MEGF10: variants seen among roughly 807,000 people sequenced by gnomAD.
MEGF10 encodes multiple EGF like domains 10.
In MEGF10, 86 loss-of-function variants were observed where a neutral mutation model predicts 147.5. That is an observed-to-expected ratio of 0.58 (90% CI 0.49 to 0.70). MEGF10 has a LOEUF of 0.70. Ranked by LOEUF, MEGF10 falls within the 30% of genes least tolerant of loss-of-function variation. The pLI, the probability that MEGF10 is intolerant of heterozygous loss-of-function variation, is 0.00. For synonymous variants in MEGF10, 478 were observed against 525.5 expected (o/e 0.91, Z 1.24); for missense variants, 1,329 against 1,487.3 (o/e 0.89, Z 1.75).
At chr5:127,280,976 C>G in the MEGF10 span, among the ~76,000 whole-genome samples, 1 of 152,170 alleles carries the variant, frequency 6.6e-6, no homozygotes, top group Non-Finnish European at 1.5e-5. Context: ...TGAATTGGAA[C>G]CTGGGACAAT....
At chr5:127,342,491 C>T (rs1428900512) in intron 4 of MEGF10, among the ~76,000 whole-genome samples, 1 of 152,122 alleles carries the variant, frequency 6.6e-6, no homozygotes, top group African/African-American at 2.4e-5. Context: ...ACCTTCTCTC[C>T]CTGAAGGCCT....
At chr5:127,446,647 G>T (rs1260852702) in intron 20 of MEGF10, among the ~76,000 whole-genome samples, 1 of 152,184 alleles carries the variant, frequency 6.6e-6, no homozygotes, top group East Asian at 1.9e-4. Flanking sequence ...AAATGAAAGT[G>T]CAGTTCAGAG....
chr5:127,411,861 G>C (rs1278879963), intron 9 of MEGF10, among the ~76,000 whole-genome samples: 2 of 152,180 alleles, frequency 1.3e-5, no homozygotes, highest in African/African-American at 4.8e-5. Context: ...GCAGCAAAAA[G>C]TAAGCCTCAT....
At chr5:127,289,433 T>G (rs1580664981), upstream of MEGF10, among the ~76,000 whole-genome samples, 2 of 152,260 alleles carry the variant, frequency 1.3e-5, no homozygotes, top group African/African-American at 4.8e-5. Flanking sequence ...CCTGAGGGGC[T>G]TAGCTGAGGT....
rs1171428370 is a variant in MEGF10 at position 127,391,116 on chromosome 5, A to G, written c.413-5416A>G. On this transcript the variant is annotated intron_variant, in intron 5 of 24. Transcript: ENST00000503335. ...CGCGCGCGCGCGCACACACACACAC[A>G]CACACACACACACACACACACACAC... Among the ~76,000 whole-genome samples, 331 of 64,824 alleles carry G rather than the reference A, an allele frequency of 5.1e-3. 2 individuals are homozygous for G. The highest frequency in any genetic ancestry group is 0.037 in the Middle Eastern group (3 of 82). The allele number at this position is 64,824 out of a possible 152,430, so 42.5% of individuals were successfully genotyped here.
chr5:127,344,684 C>G (rs760904858), intron 4 of MEGF10, among the ~76,000 whole-genome samples: 3 of 152,048 alleles, frequency 2.0e-5, no homozygotes, highest in Non-Finnish European at 4.4e-5. Flanking sequence ...ATTCTCCGTT[C>G]TCTATGTTCA....
the MEGF10 span, among the ~76,000 whole-genome samples, chr5:127,270,703 G>A: frequency 6.6e-6 from 1 of 152,086 alleles, no homozygotes; most frequent in Non-Finnish European, 1.5e-5. Flanking sequence ...TGTTCTTCCT[G>A]ATCCTCTTCC....
the MEGF10 span, among the ~76,000 whole-genome samples, chr5:127,276,573 G>C: frequency 1.3e-5 from 2 of 152,258 alleles, no homozygotes; most frequent in East Asian, 3.9e-4. Flanking sequence ...ATGTTAAAAA[G>C]AATTTCCTAC....
intron 8 of MEGF10, among the ~76,000 whole-genome samples, chr5:127,406,116 G>A (rs1222079433): frequency 1.3e-5 from 2 of 152,130 alleles, no homozygotes. Context: ...CACTAAAATG[G>A]CAATATAATT....
chr5:127,322,087 A>G (rs1760808647), intron 1 of MEGF10, among the ~76,000 whole-genome samples: 1 of 148,848 alleles, frequency 6.7e-6, no homozygotes, highest in Non-Finnish European at 1.5e-5. Context: ...AAAAAAAAAA[A>G]TAATAATGCT....
intron 14 of MEGF10, among the ~76,000 whole-genome samples, chr5:127,434,276 T>G (rs546262485): frequency 6.6e-6 from 1 of 152,172 alleles, no homozygotes; most frequent in South Asian, 2.1e-4. Context: ...CGATTTTTAT[T>G]GCCAGAAACG....
intron 7 of MEGF10, among the ~76,000 whole-genome samples, chr5:127,401,563 A>G (rs996812278): frequency 1.3e-5 from 2 of 152,184 alleles, no homozygotes; most frequent in Non-Finnish European, 2.9e-5. Flanking sequence ...CTCCAATTTC[A>G]GAGTGCCCAC....
chr5:127,407,581 G>A (rs1203377738), intron 8 of MEGF10, among the ~76,000 whole-genome samples: 2 of 152,128 alleles, frequency 1.3e-5, no homozygotes, highest in Non-Finnish European at 2.9e-5. Flanking sequence ...TATGTCTACT[G>A]TGGCTGATAT....
intron 1 of MEGF10, among the ~76,000 whole-genome samples, chr5:127,307,887 G>A (rs1302301123): frequency 1.3e-5 from 2 of 152,158 alleles, no homozygotes; most frequent in Non-Finnish European, 2.9e-5. Flanking sequence ...TGTAAACCCC[G>A]GTCCTCCTCC....
At chr5:127,247,449 GA>G in the MEGF10 span, among the ~76,000 whole-genome samples, 2 of 125,150 alleles carry the variant, frequency 1.6e-5, no homozygotes, top group Non-Finnish European at 1.6e-5. Flanking sequence ...AGAAGAAGAA[GA>G]AGAAGAAGAA....
At chr5:127,439,839 T>C (rs1472532543) in intron 17 of MEGF10, among the ~76,000 whole-genome samples, 2 of 152,182 alleles carry the variant, frequency 1.3e-5, no homozygotes, top group Admixed American at 1.3e-4. Context: ...TCTGGCCTGC[T>C]GTAAAGATTA....
At chr5:127,274,960 T>C in the MEGF10 span, among the ~76,000 whole-genome samples, 240 of 152,282 alleles carry the variant, frequency 1.6e-3, 1 homozygote, top group Non-Finnish European at 1.9e-3. Context: ...AATAGAAAAT[T>C]ATAAGCCTCA....
chr5:127,409,475 G>A (rs1404118022), intron 8 of MEGF10: 2 of 152,306 alleles, frequency 1.3e-5, no homozygotes, highest in South Asian at 4.1e-4. Flanking sequence ...AAGAAACTTG[G>A]CTAGTCTAAG....
chr5:127,325,909 A>ATT (rs201136774), intron 1 of MEGF10, among the ~76,000 whole-genome samples: 2 of 105,078 alleles, frequency 1.9e-5, no homozygotes, highest in African/African-American at 3.7e-5. Context: ...ATATATATAT[A>ATT]TTTTTTTTTT....
Sources: allele counts gnomAD v4.1 joint callset (sites outside exome capture counted in the v4.1 genomes callset), GRCh38; gene constraint gnomAD v4.1.1; transcripts MANE v1.5; gene names NCBI Gene and HGNC (gene_info 2026-07-23, HGNC 2026-07-21).